Variants in CD47 observed in about 807,000 individuals in gnomAD.
CD47 encodes the protein leukocyte surface antigen CD47.
A neutral mutation model predicts 44.6 loss-of-function variants in CD47; 11 were observed. The observed-to-expected ratio is 0.25, with a 90% CI of 0.16 to 0.41. The LOEUF is 0.41. CD47 is among the 10% of genes least tolerant of loss of function. The pLI is 1.00. For missense variants in CD47, 306 were observed against 386.7 expected (o/e 0.79, Z 1.75); for synonymous variants, 140 against 136.3 (o/e 1.03, Z -0.19).
intron 1 of CD47, among the ~76,000 whole-genome samples, chr3:108,084,867 C>G (rs575904128): frequency 6.6e-6 from 1 of 152,156 alleles, no homozygotes; most frequent in East Asian, 1.9e-4. Flanking sequence ...ATCCTCCCCC[C>G]TCGAACTACT....
At chr3:108,068,720 A>G (rs2079146677) in intron 3 of CD47, among the ~76,000 whole-genome samples, 1 of 152,178 alleles carries the variant, frequency 6.6e-6, no homozygotes, top group East Asian at 1.9e-4. Context: ...TTTCTGGGAG[A>G]AATAAATGTC....
chr3:108,058,519 C>A, intron 5 of CD47, 90 bp from the exon 6 acceptor site: 1 of 802,470 alleles, frequency 1.2e-6, no homozygotes, highest in Non-Finnish European at 2.0e-6. Flanking sequence ...TCAGGGATCT[C>A]CTAAGACCAA....
chr3:108,068,195 CTTTCTA>C (rs2108248524), intron 3 of CD47, among the ~76,000 whole-genome samples: 1 of 152,268 alleles, frequency 6.6e-6, no homozygotes, highest in South Asian at 2.1e-4. Context: ...AATAGAGGTG[CTTTCTA>C]TTTCTATTTG....
At chr3:108,069,307 T>A (rs2079155104) in intron 3 of CD47, among the ~76,000 whole-genome samples, 2 of 152,012 alleles carry the variant, frequency 1.3e-5, no homozygotes. Context: ...TCCACAAAAG[T>A]AGAACACAGG....
chr3:108,056,967 A>G (rs1412324381), intron 7 of CD47, among the ~76,000 whole-genome samples: 1 of 152,210 alleles, frequency 6.6e-6, no homozygotes, highest in Non-Finnish European at 1.5e-5. Context: ...ACTGCTCTTT[A>G]AATGAACAAA....
intron 3 of CD47, among the ~76,000 whole-genome samples, chr3:108,068,358 T>G (rs1251910531): frequency 6.6e-6 from 1 of 152,134 alleles, no homozygotes; most frequent in Admixed American, 6.5e-5. Context: ...CAGGGCAATA[T>G]GCACATCACA....
At chr3:108,077,127 T>C (rs1307439122) in intron 2 of CD47, among the ~76,000 whole-genome samples, 2 of 152,176 alleles carry the variant, frequency 1.3e-5, no homozygotes, top group Non-Finnish European at 2.9e-5. Flanking sequence ...CACTATTATC[T>C]GCATTCTATT....
chr3:108,079,561 T>G (rs1423202197), intron 2 of CD47, among the ~76,000 whole-genome samples: 1 of 86,876 alleles, frequency 1.2e-5, no homozygotes, highest in Non-Finnish European at 2.1e-5. Context: ...GGTCAAAGTG[T>G]AAGGTTAAAA....
Position 108,044,308 on chromosome 3 carries a change from CCT to C in CD47, c.*2978_*2979del, listed in dbSNP as rs1473464921. ...GAAATATTTCCAATTACGGGATAGC[CCT>C]GTTATTTTAATTCTGACATTCTTAG... On this transcript the variant is annotated 3_prime_UTR_variant, in exon 11 of 11. Coordinates refer to ENST00000361309, the MANE Select transcript of CD47 (RefSeq NM_001777.4). The C allele has an allele frequency of 4.0e-5, 6 of 151,520 alleles. No homozygotes were observed. Among genetic ancestry groups the C allele is most frequent in the Admixed American group, 2.0e-4 (3 of 15,162 alleles). The allele number at this position is 151,520 out of a possible 1,614,324, so 9.4% of individuals were successfully genotyped here.
At chr3:108,047,441 A>G in intron 10 of CD47, 149 bp from the exon 11 acceptor site, 1 of 475,276 alleles carries the variant, frequency 2.1e-6, no homozygotes, top group Non-Finnish European at 3.6e-6. Flanking sequence ...AACCAGGCAA[A>G]TCATTAGCCT....
At chr3:108,052,036 T>C (rs2078837895) in intron 7 of CD47, 66 bp from the exon 8 acceptor site, 4 of 782,958 alleles carry the variant, frequency 5.1e-6, no homozygotes, top group Non-Finnish European at 8.4e-6. Flanking sequence ...TTTGGTAATG[T>C]TTAATTTTAA....
At chr3:108,077,344 TTTTG>T (rs969153338) in intron 2 of CD47, among the ~76,000 whole-genome samples, 9 of 152,248 alleles carry the variant, frequency 5.9e-5, no homozygotes, top group Non-Finnish European at 8.8e-5. Flanking sequence ...TTTAACTGGT[TTTTG>T]TTTGTTTGTT....
chr3:108,063,141 T>C (rs2079045223), intron 3 of CD47, among the ~76,000 whole-genome samples: 1 of 152,194 alleles, frequency 6.6e-6, no homozygotes, highest in South Asian at 2.1e-4. Context: ...ATAAGTACAC[T>C]ATATATTGAA....
chr3:108,079,567 T>TAAAAAAAAAA lies in CD47; in HGVS notation c.400+414_400+423dup, dbSNP rs71629342. On this transcript the variant is annotated intron_variant, in intron 2 of 10. Coordinates refer to ENST00000361309, the MANE Select transcript of CD47 (RefSeq NM_001777.4). ...TCATCCCTTGGTCAAAGTGTAAGGTTAAAAAAAAAAAAAAAAAAAAAAAAA... is the reference window on the plus strand; with the variant it reads ...TCATCCCTTGGTCAAAGTGTAAGGTTAAAAAAAAAAAAAAAAAAAAAAAAAAAAAAAAAAA... 7.7e-4 allele frequency among the ~76,000 whole-genome samples: 41 copies of TAAAAAAAAAA among 53,110 alleles called. 1 individual carries two copies. Among genetic ancestry groups the TAAAAAAAAAA allele is most frequent in the African/African-American group, 1.0e-3 (10 of 9,904 alleles). The allele number at this position is 53,110 out of a possible 152,430, so 34.8% of individuals were successfully genotyped here.
chr3:108,048,586 G>A (rs984145393), intron 10 of CD47, among the ~76,000 whole-genome samples: 3 of 151,772 alleles, frequency 2.0e-5, no homozygotes, highest in African/African-American at 4.8e-5. Context: ...GGGTTTCACC[G>A]TGTTAGCCAG....
intron 5 of CD47, 88 bp from the exon 6 acceptor site, chr3:108,058,517 C>G: frequency 3.7e-6 from 3 of 805,840 alleles, no homozygotes; most frequent in Non-Finnish European, 5.9e-6. Flanking sequence ...AATCAGGGAT[C>G]TCCTAAGACC....
chr3:108,045,337 C>T lies in CD47; in HGVS notation c.*1951G>A, dbSNP rs1420797674. ...TCTTTTTCAAGTCCATCTGCTTTTC[C>T]CTCCTTTCATCAAAACTGATTTTTA... On this transcript the variant is annotated 3_prime_UTR_variant, in exon 11 of 11. Transcript: ENST00000361309. 6.6e-6 allele frequency: 1 copy of T among 152,534 alleles called. No homozygotes were observed. Among genetic ancestry groups the T allele is most frequent in the Admixed American group, 6.5e-5 (1 of 15,278 alleles). The allele number at this position is 152,534 out of a possible 1,614,324, so 9.4% of individuals were successfully genotyped here.
chr3:108,047,051 A>C lies in CD47; in HGVS notation c.*237T>G. 1.4e-5 allele frequency: 6 copies of C among 427,662 alleles called. No individual in the cohort carries two copies. Among genetic ancestry groups the C allele is most frequent in the Non-Finnish European group, 2.5e-5 (6 of 241,630 alleles). 26.5% of individuals were successfully genotyped at this position (427,662 alleles called of 1,614,324 possible). A position where few individuals can be genotyped will look rare whatever the true frequency, so the allele number is the denominator to read the frequency against. On this transcript the variant is annotated 3_prime_UTR_variant, in exon 11 of 11. Coordinates refer to ENST00000361309, the MANE Select transcript of CD47 (RefSeq NM_001777.4). Reference sequence around the variant, plus strand: ...CTAATTGATTAAAAATAACAACAAAAAACTGGATCTCAATTGGGCAAACAA... The same window carrying C: ...CTAATTGATTAAAAATAACAACAAACAACTGGATCTCAATTGGGCAAACAA...
chr3:108,081,073 G>A (rs2079409184), intron 1 of CD47, among the ~76,000 whole-genome samples: 1 of 151,852 alleles, frequency 6.6e-6, no homozygotes, highest in Non-Finnish European at 1.5e-5. Context: ...GTCTCCAAAT[G>A]TATATTATGG....
Sources: gnomAD v4.1 joint callset for allele counts (sites outside exome capture counted in the v4.1 genomes callset) on GRCh38, gnomAD v4.1.1 for gene constraint, MANE v1.5 for transcripts, NCBI Gene and HGNC (gene_info 2026-07-23, HGNC 2026-07-21) for gene names.